RASGRP2: variants seen among roughly 807,000 people sequenced by gnomAD.
RASGRP2 encodes the protein RAS guanyl releasing protein 2, also known as RAS guanyl-releasing protein 2.
A neutral mutation model predicts 71.0 loss-of-function variants in RASGRP2; 44 were observed. The observed-to-expected ratio is 0.62, with a 90% CI of 0.49 to 0.80. The LOEUF (loss-of-function observed/expected upper bound fraction) is 0.80. Among genes scored for constraint, RASGRP2 ranks in the 30% least tolerant of loss-of-function variants. The pLI, the probability that RASGRP2 is intolerant of heterozygous loss-of-function variation, is 0.00. For synonymous variants in RASGRP2, 350 were observed against 330.7 expected, an observed-to-expected ratio of 1.06 and a Z score of -0.63; for missense variants, 663 against 813.4, an observed-to-expected ratio of 0.82 and a Z score of 2.25.
At chr11:64,741,199 TCTTTC>T in intron 4 of RASGRP2, 120 bp from the exon 5 acceptor site, 1 of 1,338,682 alleles carries the variant, frequency 7.5e-7, no homozygotes, top group Non-Finnish European at 1.0e-6. Context: ...TGGTTCCAGC[TCTTTC>T]CTTCGCCACT....
chr11:64,739,995 C>CA lies in RASGRP2; in HGVS notation c.522+17_522+18insT. The CA allele has an allele frequency of 6.2e-7, 1 of 1,614,066 alleles. No individual in the cohort carries two copies. Among genetic ancestry groups the CA allele is most frequent in the Non-Finnish European group, 8.5e-7 (1 of 1,180,024 alleles). ...CAGCCCACATTGGACCCCTGACCCCCCAGCCCTCGGGCCGCACCAGGATCT... is the reference window on the plus strand; with the variant it reads ...CAGCCCACATTGGACCCCTGACCCCCACAGCCCTCGGGCCGCACCAGGATCT... On this transcript the variant is annotated intron_variant, in intron 6 of 16. Coordinates refer to ENST00000394432, the MANE Select transcript of RASGRP2 (RefSeq NM_001098671.2). This position sits in a 1 kb window ranked among gnomAD's most constrained non-coding sequence, Gnocchi z 4.2.
rs2058167355 is a variant in RASGRP2, at chr11:64,742,622, G to A, written c.73+172C>T. 5 of 857,496 alleles carry A rather than the reference G, an allele frequency of 5.8e-6. No homozygotes were observed. The highest frequency in any genetic ancestry group is 4.3e-5 in the Admixed American group (2 of 46,814). The allele number at this position is 857,496 out of a possible 1,614,324, so 53.1% of individuals were successfully genotyped here. On this transcript the variant is annotated intron_variant, in intron 2 of 16. Transcript: ENST00000394432. The surrounding 1 kb of genome is among the most constrained non-coding windows in gnomAD (Gnocchi z 4.7). ...GGGAAACCTCATCTGTCTGAAGGGC[G>A]TGCATCTCTCTGCCCTGCGTTGCGG...
intron 3 of RASGRP2, 27 bp downstream of exon 3, chr11:64,741,983 G>A (rs1166927218): frequency 4.4e-6 from 7 of 1,588,710 alleles, no homozygotes; most frequent in Non-Finnish European, 6.0e-6. Flanking sequence ...CGACGGCGGG[G>A]GCCTTGGCAA....
At chr11:64,736,068 C>CTGGCTG in intron 9 of RASGRP2, 88 bp from the exon 10 acceptor site, 1 of 1,023,044 alleles carries the variant, frequency 9.8e-7, no homozygotes, top group Non-Finnish European at 1.5e-6. Context: ...GGCCACAGCT[C>CTGGCTG]AGCTCAGAGC....
intron 5 of RASGRP2, chr11:64,740,726 G>A (rs1361024157): frequency 2.6e-5 from 18 of 685,508 alleles, no homozygotes; most frequent in Non-Finnish European, 4.8e-5. Context: ...ACCCAGCGCA[G>A]CTACAGGAGG....
intron 12 of RASGRP2, among the ~76,000 whole-genome samples, chr11:64,734,678 C>T (rs997040770): frequency 3.6e-4 from 55 of 152,052 alleles, no homozygotes; most frequent in African/African-American, 1.2e-3. Context: ...CATGTTTAAC[C>T]TACTTCAGAG....
chr11:64,728,437 T>A (rs538763331), intron 15 of RASGRP2, among the ~76,000 whole-genome samples: 19 of 152,138 alleles, frequency 1.2e-4, no homozygotes, highest in African/African-American at 3.1e-4. Flanking sequence ...TTTTATTTTT[T>A]TTTTTTCTGA....
chr11:64,728,594 AT>A (rs555129081), intron 15 of RASGRP2, among the ~76,000 whole-genome samples: 149 of 144,854 alleles, frequency 1.0e-3, no homozygotes, highest in Middle Eastern at 3.6e-3. Context: ...CGCCTGGCTA[AT>A]TTTTTTTTTT....
chr11:64,735,558 A>G lies in RASGRP2; in HGVS notation c.1280T>C (p.Ile427Thr). 6.2e-7 allele frequency: 1 copy of G among 1,613,898 alleles called. No individual in the cohort carries two copies. The highest frequency in any genetic ancestry group is 8.5e-7 in the Non-Finnish European group (1 of 1,179,946). The change falls in exon 11 of 17, where the codon ATC becomes ACC. Residue 427 changes from isoleucine to threonine, a missense_variant. Transcript: ENST00000394432. The surrounding 1 kb of genome is among the most constrained non-coding windows in gnomAD (Gnocchi z 4.2). The stretch of plus-strand genomic sequence containing the variant: ...GGAGCTCACCTCCACCATCTTCTCG[A>G]TGTGCTCCACCACGAGGGCCTGATC... ...KLDQALVVEH[I>T]EKMVESVFRN...
chr11:64,739,339 C>T lies in RASGRP2; in HGVS notation c.813+21G>A. On this transcript the variant is annotated intron_variant, in intron 8 of 16. Transcript: ENST00000394432. This position sits in a 1 kb window ranked among gnomAD's most constrained non-coding sequence, Gnocchi z 4.2. ...TGAAGACAGACCTGGGAAGCACCGG[C>T]CCCTCCCCAGTCCCAGGCACCTTGA... 8 of 1,584,280 alleles carry T rather than the reference C, an allele frequency of 5.0e-6. No homozygotes were observed. The highest frequency in any genetic ancestry group is 6.9e-6 in the Non-Finnish European group (8 of 1,152,800).
chr11:64,731,249 G>C (rs909844895), intron 12 of RASGRP2, among the ~76,000 whole-genome samples: 1 of 151,912 alleles, frequency 6.6e-6, no homozygotes, highest in Non-Finnish European at 1.5e-5. Context: ...CCAGCTACTC[G>C]GGAGGCTAAG....
At position 64,737,130 on chromosome 11, in the gene RASGRP2, G is replaced by A. The variant is rs910533016; in HGVS notation, c.814-96C>T. On this transcript the variant is annotated intron_variant, in intron 8 of 16. Coordinates refer to ENST00000394432, the MANE Select transcript of RASGRP2 (RefSeq NM_001098671.2). Reference sequence around the variant, plus strand: ...GGGGGTGAGGAGGAGTCAGGGTCAGGGACAGGTGAAAGAGTAAAAACCTCC... The same window carrying A: ...GGGGGTGAGGAGGAGTCAGGGTCAGAGACAGGTGAAAGAGTAAAAACCTCC... 1.0e-5 allele frequency: 15 copies of A among 1,492,270 alleles called. No homozygotes were observed. In the African/African-American group the frequency reaches 1.9e-4, roughly 19 times the overall value. 92.4% of individuals were successfully genotyped at this position (1,492,270 alleles called of 1,614,324 possible). A position where few individuals can be genotyped will look rare whatever the true frequency, so the allele number is the denominator to read the frequency against.
chr11:64,744,197 A>T (rs981962291), upstream of RASGRP2: 6 of 985,782 alleles, frequency 6.1e-6, no homozygotes, highest in Non-Finnish European at 6.0e-6. Context: ...ATGGGTGCGC[A>T]CGCCCATTCC....
intron 13 of RASGRP2, 108 bp downstream of exon 13, chr11:64,729,945 G>C: frequency 6.6e-7 from 1 of 1,523,488 alleles, no homozygotes; most frequent in South Asian, 1.2e-5. Flanking sequence ...GAATTACCAG[G>C]TTTTCCTGGC....
Position 64,739,414 on chromosome 11 carries a change from G to A in RASGRP2, c.759C>T (p.Ser253=). ...GGGTCTCCTTGAGGCGGGAGATGGA[G>A]CTGTGGCTCAGGCCCCCGACCACTG... ...LMAVVGGLSH[S]SISRLKETHS... Residue 253 remains serine (S), a synonymous_variant, in exon 8 of 17, where the codon AGC becomes AGT. Coordinates refer to ENST00000394432, the MANE Select transcript of RASGRP2 (RefSeq NM_001098671.2). The surrounding 1 kb of genome is among the most constrained non-coding windows in gnomAD (Gnocchi z 4.2). 6.2e-7 allele frequency: 1 copy of A among 1,614,188 alleles called. No individual in the cohort carries two copies. The highest frequency in any genetic ancestry group is 8.5e-7 in the Non-Finnish European group (1 of 1,180,038).
Position 64,739,357 on chromosome 11 carries a change from C to T in RASGRP2, c.813+3G>A. The T allele has an allele frequency of 6.2e-7, 1 of 1,612,786 alleles. No individual in the cohort carries two copies. The highest frequency in any genetic ancestry group is 8.5e-7 in the Non-Finnish European group (1 of 1,178,796). On this transcript the variant is annotated splice_donor_region_variant and intron_variant, in intron 8 of 16. Transcript: ENST00000394432. The surrounding 1 kb of genome is among the most constrained non-coding windows in gnomAD (Gnocchi z 4.2). ...GCACCGGCCCCTCCCCAGTCCCAGG[C>T]ACCTTGATGGTCTCAGGGCTAACGT...
intron 12 of RASGRP2, among the ~76,000 whole-genome samples, chr11:64,731,340 G>A (rs1189604794): frequency 2.7e-5 from 4 of 150,410 alleles, no homozygotes; most frequent in Admixed American, 6.6e-5. Context: ...TGGGTGACAT[G>A]GCAAGACACC....
intron 8 of RASGRP2, among the ~76,000 whole-genome samples, chr11:64,738,290 G>A (rs912179973): frequency 2.6e-5 from 4 of 152,128 alleles, no homozygotes; most frequent in Non-Finnish European, 5.9e-5. Context: ...AGAAAAGCAA[G>A]ATCATCATTG....
chr11:64,732,105 C>T (rs2057782903), intron 12 of RASGRP2, among the ~76,000 whole-genome samples: 3 of 152,050 alleles, frequency 2.0e-5, no homozygotes, highest in African/African-American at 7.2e-5. Flanking sequence ...GCTGTTCTAA[C>T]GAATGAGGTA....
Sources: gnomAD v4.1 joint callset for allele counts (sites outside exome capture counted in the v4.1 genomes callset) on GRCh38, gnomAD v4.1.1 for gene constraint, Gnocchi (gnomAD v3.1) non-coding constraint, MANE v1.5 for transcripts, NCBI Gene and HGNC (gene_info 2026-07-23, HGNC 2026-07-21) for gene names.